The following RNF213 variants were observed in gnomAD, a reference collection of about 807,000 sequenced individuals.
RNF213 encodes E3 ubiquitin-protein ligase RNF213.
In RNF213, 341 loss-of-function variants were observed where a neutral mutation model predicts 514.4. The ratio of observed to expected loss-of-function variants is 0.66; its 90% CI spans 0.61 to 0.73. The LOEUF (loss-of-function observed/expected upper bound fraction) is 0.73. RNF213 is among the 30% of genes least tolerant of loss of function. The probability of loss-of-function intolerance (pLI) is 0.00; values close to 1 mark genes in which losing one functional copy is unlikely to be tolerated. For synonymous variants in RNF213, 2,655 were observed against 2,658.2 expected (o/e 1.00, Z 0.04); for missense variants, 5,767 against 6,615.6 (o/e 0.87, Z 4.45).
Position 80,337,649 on chromosome 17 carries a change from C to T in RNF213, c.4591C>T (p.Arg1531Cys), listed in dbSNP as rs368850066. 172 of 1,537,272 alleles carry T rather than the reference C, an allele frequency of 1.1e-4. No homozygotes were observed. Among genetic ancestry groups the T allele is most frequent in the Middle Eastern group, 3.3e-4 (2 of 5,990 alleles). The change falls in exon 24 of 68, where the codon CGC (arginine) becomes TGC (cysteine). Residue 1531 changes from arginine (R) to cysteine (C), a missense_variant. Physicochemically the swap from Arg to Cys is radical, Grantham distance 180. Transcript: ENST00000582970. Reference protein sequence around the residue: ...TVNESHGSVERSSLTLATAIN... With the variant: ...TVNESHGSVECSSLTLATAIN... ...GAATGAGAGTCATGGGTCTGTGGAA[C>T]GCTCATCCCTGACCCTGGCCACGGC...
Position 80,369,591 on chromosome 17 carries a change from C to G in RNF213, c.12245C>G (p.Ala4082Gly), listed in dbSNP as rs761710252. 1 of 1,614,236 alleles carries G rather than the reference C, an allele frequency of 6.2e-7. No individual in the cohort carries two copies. The highest frequency in any genetic ancestry group is 8.5e-7 in the Non-Finnish European group (1 of 1,180,048). ...TCCACCATTTGCTTCAAGGACAACG[C>G]TCCGCCTGAGAAGGAAGTGATTGAG... Reference protein sequence around the residue: ...LVSTICFKDNAPPEKEVIESL... With the variant: ...LVSTICFKDNGPPEKEVIESL... The change falls in exon 45 of 68, where the codon GCT becomes GGT. Residue 4082 changes from alanine to glycine, a missense_variant. Ala to Gly is a moderately conservative substitution (Grantham distance 60, BLOSUM62 0). This residue lies in a region of RNF213 where 93 missense variants were observed against 95.6 expected (regional missense o/e 0.97). Coordinates refer to ENST00000582970, the MANE Select transcript of RNF213 (RefSeq NM_001256071.3).
At chr17:80,360,033 C>G in intron 37 of RNF213, 28 bp from the exon 38 acceptor site, 1 of 1,613,224 alleles carries the variant, frequency 6.2e-7, no homozygotes, top group Non-Finnish European at 8.5e-7. Flanking sequence ...CACAAACCCT[C>G]TTCTTATCAT....
chr17:80,339,134 G>A (rs757766811), intron 25 of RNF213, 67 bp from the exon 26 acceptor site: 36 of 1,335,060 alleles, frequency 2.7e-5, no homozygotes, highest in Non-Finnish European at 3.0e-5. Flanking sequence ...CCTGTGTGCT[G>A]TTGCAGAGTA....
intron 3 of RNF213, among the ~76,000 whole-genome samples, chr17:80,281,292 T>C (rs1598909916): frequency 1.7e-4 from 3 of 18,016 alleles, no homozygotes; most frequent in Admixed American, 9.2e-4. Flanking sequence ...CCCACACACA[T>C]ACCCTCCACA....
intron 56 of RNF213, chr17:80,381,286 C>A: frequency 1.7e-6 from 1 of 595,020 alleles, no homozygotes; most frequent in Non-Finnish European, 3.0e-6. Flanking sequence ...TTCATTGTAG[C>A]TAGGGAAGAA....
chr17:80,330,611 T>G (rs953345698), intron 20 of RNF213, among the ~76,000 whole-genome samples: 3 of 152,216 alleles, frequency 2.0e-5, no homozygotes, highest in Non-Finnish European at 4.4e-5. Flanking sequence ...CCCCCTGAGA[T>G]TGGATAATTC....
rs1325261893 is a variant in RNF213, at chr17:80,389,999, TC to T, written c.15286-11del. On this transcript the variant is annotated splice_polypyrimidine_tract_variant and intron_variant, in intron 66 of 67. Coordinates refer to ENST00000582970, the MANE Select transcript of RNF213 (RefSeq NM_001256071.3). The stretch of plus-strand genomic sequence containing the variant: ...CAGGCTTTAATGCTTCATTTGCTCT[TC>T]CGTCGTTTTAGGAGCCATTTGGGGA... 6.2e-7 allele frequency: 1 copy of T among 1,614,196 alleles called. No individual in the cohort carries two copies.
At position 80,367,796 on chromosome 17, in the gene RNF213, G is replaced by A. The variant is rs750689562; in HGVS notation, c.11920G>A (p.Val3974Met). The change falls in exon 43 of 68, where the codon GTG (valine) becomes ATG (methionine). Residue 3974 changes from valine (V) to methionine (M), a missense_variant. Transcript: ENST00000582970. ...DVKTHGPFEAVMRTLCECKET... is the reference protein window; with the variant it reads ...DVKTHGPFEAMMRTLCECKET... The stretch of plus-strand genomic sequence containing the variant: ...GAAGACGCACGGGCCTTTTGAGGCC[G>A]TGATGCGCACTCTCTGTGAATGCAA... 6.8e-6 allele frequency: 11 copies of A among 1,614,134 alleles called. No individual in the cohort carries two copies. The highest frequency in any genetic ancestry group is 8.5e-6 in the Non-Finnish European group (10 of 1,180,054).
chr17:80,300,585 G>A (rs556728988), intron 11 of RNF213, among the ~76,000 whole-genome samples: 135 of 151,844 alleles, frequency 8.9e-4, no homozygotes, highest in Non-Finnish European at 1.6e-3. Flanking sequence ...ATGGAGTTTC[G>A]CTTTATCACC....
Position 80,346,103 on chromosome 17 carries a change from G to GA in RNF213, c.7772dup (p.Leu2592AlafsTer12), listed in dbSNP as rs759047123. 2 of 1,614,174 alleles carry GA rather than the reference G, an allele frequency of 1.2e-6. No homozygotes were observed. On this transcript the variant is annotated frameshift_variant, in exon 29 of 68. Coordinates refer to ENST00000582970, the MANE Select transcript of RNF213 (RefSeq NM_001256071.3). LOFTEE classifies it high-confidence loss of function. This position sits in a 1 kb window ranked among gnomAD's most constrained non-coding sequence, Gnocchi z 8.1. ...CTTTGGACAACTGAGTGACGTTGCTGAAAAGCTCTACATCCAGCAGATTGT... is the reference window on the plus strand; with the variant it reads ...CTTTGGACAACTGAGTGACGTTGCTGAAAAAGCTCTACATCCAGCAGATTGT...
chr17:80,388,951 C>A (rs1012030674), intron 64 of RNF213: 2 of 621,794 alleles, frequency 3.2e-6, no homozygotes, highest in Admixed American at 2.6e-5. Context: ...GTCCATGGAA[C>A]CGATTTGTTC....
intron 28 of RNF213, 102 bp from the exon 29 acceptor site, chr17:80,344,576 C>T (rs1298527565): frequency 1.5e-6 from 2 of 1,298,166 alleles, no homozygotes; most frequent in Admixed American, 3.6e-5. Flanking sequence ...GTGCGTTTTT[C>T]ATAAAGGTCC....
intron 26 of RNF213, chr17:80,341,019 G>A (rs934854412): frequency 1.3e-5 from 2 of 152,424 alleles, no homozygotes; most frequent in African/African-American, 4.8e-5. Context: ...TAGCCAGGAT[G>A]GTCTCGATCT....
rs986068439 is a variant in RNF213 at position 80,397,105 on chromosome 17, T to C, written c.*3607T>C. 2.6e-5 allele frequency: 4 copies of C among 152,484 alleles called. No homozygotes were observed. Among genetic ancestry groups the C allele is most frequent in the African/African-American group, 9.7e-5 (4 of 41,396 alleles). The allele number at this position is 152,484 out of a possible 1,614,324, so 9.4% of individuals were successfully genotyped here. A position where few individuals can be genotyped will look rare whatever the true frequency, so the allele number is the denominator to read the frequency against. On this transcript the variant is annotated 3_prime_UTR_variant, in exon 68 of 68. Coordinates refer to ENST00000582970, the MANE Select transcript of RNF213 (RefSeq NM_001256071.3). ...GCCACTTCCTCAGAACCCACGATCT[T>C]TGCCCCATCGCCACAGGTCCATGAG...
chr17:80,359,798 C>T (rs560559669), intron 37 of RNF213, among the ~76,000 whole-genome samples: 7 of 152,264 alleles, frequency 4.6e-5, no homozygotes, highest in Non-Finnish European at 5.9e-5. Context: ...TGGTTCTGCC[C>T]GAGATTTTGG....
Position 80,263,487 on chromosome 17 carries a change from C to G in RNF213, c.-108-87C>G, listed in dbSNP as rs753195058. ...TGAGAGCCAAGGGGGCAGCACAGAG[C>G]GGGGAGGGGCTGGGCTTGGGCTGTG... On this transcript the variant is annotated intron_variant, in intron 1 of 67. Coordinates refer to ENST00000582970, the MANE Select transcript of RNF213 (RefSeq NM_001256071.3). The surrounding 1 kb of genome is among the most constrained non-coding windows in gnomAD (Gnocchi z 4.9). The G allele has an allele frequency of 6.4e-6, 4 of 620,974 alleles. No homozygotes were observed. Among genetic ancestry groups the G allele is most frequent in the South Asian group, 3.5e-5 (2 of 56,610 alleles). 38.5% of individuals were successfully genotyped at this position (620,974 alleles called of 1,614,324 possible).
chr17:80,385,359 A>G (rs1329424919), intron 60 of RNF213, among the ~76,000 whole-genome samples, 179 bp from the exon 61 acceptor site: 1 of 152,206 alleles, frequency 6.6e-6, no homozygotes, highest in East Asian at 1.9e-4. Flanking sequence ...CCACAGCTGA[A>G]AAGCACCTCC....
At position 80,264,957 on chromosome 17, in the gene RNF213, C is replaced by T. The variant is rs887457841; in HGVS notation, c.97+1179C>T. ...GGCGGCCTGGCTCCCTCCTTCCCCTCTTTCAGTCTTTGCCCAGCTGCTCGC... is the reference window on the plus strand; with the variant it reads ...GGCGGCCTGGCTCCCTCCTTCCCCTTTTTCAGTCTTTGCCCAGCTGCTCGC... On this transcript the variant is annotated intron_variant, in intron 2 of 67. Transcript: ENST00000582970. This position sits in a 1 kb window ranked among gnomAD's most constrained non-coding sequence, Gnocchi z 5.0. Among the ~76,000 whole-genome samples the T allele has an allele frequency of 4.6e-5, 7 of 152,038 alleles. No individual in the cohort carries two copies. The highest frequency in any genetic ancestry group is 2.1e-4 in the South Asian group (1 of 4,836).
chr17:80,367,923 T>C (rs1042675345), intron 43 of RNF213, 38 bp from the exon 44 acceptor site: 1 of 1,614,144 alleles, frequency 6.2e-7, no homozygotes. Flanking sequence ...CTGGCCAGTT[T>C]CTCTGCTTCA....
Sources: allele counts gnomAD v4.1 joint callset (sites outside exome capture counted in the v4.1 genomes callset), GRCh38; gene constraint gnomAD v4.1.1; regional missense constraint gnomAD v4.1.1; non-coding constraint Gnocchi (gnomAD v3.1); transcripts MANE v1.5; gene names NCBI Gene and HGNC (gene_info 2026-07-23, HGNC 2026-07-21).